The following TXNDC15 variants were observed in gnomAD, a reference collection of about 807,000 sequenced individuals.
TXNDC15 encodes thioredoxin domain containing 15.
Under a neutral mutation model 35.0 loss-of-function variants are expected in TXNDC15, and 24 were observed. The ratio of observed to expected loss-of-function variants is 0.68; its 90% CI spans 0.50 to 0.96. TXNDC15 has a LOEUF of 0.96. Ranked by LOEUF, TXNDC15 falls within the 40% of genes least tolerant of loss-of-function variation. The pLI is 0.00. For synonymous variants in TXNDC15, 169 were observed against 174.0 expected (o/e 0.97, Z 0.23); for missense variants, 385 against 453.3 (o/e 0.85, Z 1.37).
upstream of TXNDC15, chr5:134,874,261 G>T (rs564234170): frequency 8.6e-6 from 5 of 582,524 alleles, no homozygotes; most frequent in Non-Finnish European, 1.5e-5. Flanking sequence ...ACGGCCAGCG[G>T]CTAGAGGCCG....
At chr5:134,897,367 C>A (rs1021559743) in intron 4 of TXNDC15, among the ~76,000 whole-genome samples, 3 of 151,976 alleles carry the variant, frequency 2.0e-5, no homozygotes, top group Admixed American at 6.6e-5. Context: ...CCTGCCTCAG[C>A]CTTTCTAGTA....
At chr5:134,897,471 A>C (rs1036256503) in intron 4 of TXNDC15, among the ~76,000 whole-genome samples, 1 of 148,604 alleles carries the variant, frequency 6.7e-6, no homozygotes, top group East Asian at 2.0e-4. Context: ...CTGGTCTTGC[A>C]CTCCTAACCT....
At chr5:134,874,657 G>A in intron 1 of TXNDC15, 127 bp downstream of exon 1, 1 of 745,342 alleles carries the variant, frequency 1.3e-6, no homozygotes, top group Non-Finnish European at 2.0e-6. Context: ...CCCCGGGCGC[G>A]TCTCCCCGAC....
intron 1 of TXNDC15, among the ~76,000 whole-genome samples, chr5:134,877,215 G>A (rs1266723696): frequency 6.6e-6 from 1 of 152,116 alleles, no homozygotes; most frequent in East Asian, 1.9e-4. Flanking sequence ...CAGAGAAACA[G>A]CCCTCAGGAA....
Position 134,901,488 on chromosome 5 carries a change from T to C in TXNDC15, c.*1803T>C, listed in dbSNP as rs1750599887. 6.6e-6 allele frequency: 1 copy of C among 152,266 alleles called. No individual in the cohort carries two copies. Among genetic ancestry groups the C allele is most frequent in the African/African-American group, 2.4e-5 (1 of 41,460 alleles). 9.4% of individuals were successfully genotyped at this position (152,266 alleles called of 1,614,324 possible). On this transcript the variant is annotated 3_prime_UTR_variant, in exon 5 of 5. Transcript: ENST00000358387. ...GATTTGAATCTTCACATGTGTGTAC[T>C]TATAAATACAAATGTAAGGAAAACT...
intron 2 of TXNDC15, 126 bp downstream of exon 2, chr5:134,888,308 C>A: frequency 1.0e-6 from 1 of 989,960 alleles, no homozygotes. Context: ...CATTTAATGG[C>A]TGCTTCAGTG....
intron 2 of TXNDC15, among the ~76,000 whole-genome samples, chr5:134,888,883 C>T (rs1750330853): frequency 8.2e-6 from 1 of 121,324 alleles, no homozygotes; most frequent in South Asian, 3.1e-4. Context: ...CTAGTAATGC[C>T]CCTGGAAAAT....
intron 2 of TXNDC15, among the ~76,000 whole-genome samples, chr5:134,888,553 G>A (rs988745982): frequency 1.4e-4 from 22 of 152,024 alleles, no homozygotes; most frequent in Non-Finnish European, 2.8e-4. Context: ...GCATGATATC[G>A]GCTCACTGCA....
At chr5:134,889,570 G>A (rs1270086914) in intron 2 of TXNDC15, among the ~76,000 whole-genome samples, 3 of 152,140 alleles carry the variant, frequency 2.0e-5, no homozygotes, top group Admixed American at 6.5e-5. Context: ...CAAACATATC[G>A]ATATGACTGC....
At chr5:134,894,167 G>C (rs765876223) in intron 3 of TXNDC15, among the ~76,000 whole-genome samples, 1 of 151,206 alleles carries the variant, frequency 6.6e-6, no homozygotes, top group Non-Finnish European at 1.5e-5. Flanking sequence ...ATGTTCTGTA[G>C]TAGGCACTCG....
At position 134,901,163 on chromosome 5, in the gene TXNDC15, A is replaced by G. The variant is rs560755599; in HGVS notation, c.*1478A>G. 6.6e-6 allele frequency: 1 copy of G among 152,356 alleles called. No individual in the cohort carries two copies. Among genetic ancestry groups the G allele is most frequent in the Non-Finnish European group, 1.5e-5 (1 of 68,042 alleles). 9.4% of individuals were successfully genotyped at this position (152,356 alleles called of 1,614,324 possible). On this transcript the variant is annotated 3_prime_UTR_variant, in exon 5 of 5. Coordinates refer to ENST00000358387, the MANE Select transcript of TXNDC15 (RefSeq NM_024715.4). ...ATGACAGCTAATTACCTCATCATAA[A>G]TTACTTTTATACTAATTGTTTCCAG...
intron 2 of TXNDC15, 101 bp from the exon 3 acceptor site, chr5:134,893,391 C>A: frequency 1.4e-6 from 2 of 1,427,210 alleles, no homozygotes; most frequent in Non-Finnish European, 1.9e-6. Context: ...CCTACCCACC[C>A]GTTCCTCTCC....
intron 4 of TXNDC15, among the ~76,000 whole-genome samples, chr5:134,896,728 C>T (rs1421930943): frequency 1.3e-5 from 2 of 150,092 alleles, no homozygotes; most frequent in Admixed American, 6.7e-5. Context: ...ACTGCAACCT[C>T]CACCTCCCGG....
intron 3 of TXNDC15, among the ~76,000 whole-genome samples, chr5:134,894,977 C>T (rs547282862): frequency 6.6e-6 from 1 of 151,944 alleles, no homozygotes; most frequent in African/African-American, 2.4e-5. Flanking sequence ...AGTTTGAGAC[C>T]AGCCTGGACA....
At chr5:134,898,289 C>A (rs1264481074) in intron 4 of TXNDC15, among the ~76,000 whole-genome samples, 1 of 152,016 alleles carries the variant, frequency 6.6e-6, no homozygotes, top group Non-Finnish European at 1.5e-5. Context: ...TTTATTAATC[C>A]ATTTGTAGAT....
chr5:134,891,409 C>A (rs1042651995), intron 2 of TXNDC15, among the ~76,000 whole-genome samples: 1 of 152,154 alleles, frequency 6.6e-6, no homozygotes, highest in Non-Finnish European at 1.5e-5. Context: ...TGCATCTCCA[C>A]CAGAACTCTT....
Position 134,899,869 on chromosome 5 carries a change from A to G in TXNDC15, c.*184A>G, listed in dbSNP as rs1348553931. ...AACTGGTGTTTTAACTAGTATTGCA[A>G]TAAGCAAATGCAAAAATATTCAATA... On this transcript the variant is annotated 3_prime_UTR_variant, in exon 5 of 5. Transcript: ENST00000358387. The G allele has an allele frequency of 3.8e-6, 2 of 526,542 alleles. No homozygotes were observed. The highest frequency in any genetic ancestry group is 6.5e-6 in the Non-Finnish European group (2 of 306,918). 32.6% of individuals were successfully genotyped at this position (526,542 alleles called of 1,614,324 possible). A position where few individuals can be genotyped will look rare whatever the true frequency, so the allele number is the denominator to read the frequency against.
At chr5:134,880,149 C>A (rs1228895650) in intron 1 of TXNDC15, among the ~76,000 whole-genome samples, 1 of 152,088 alleles carries the variant, frequency 6.6e-6, no homozygotes, top group Non-Finnish European at 1.5e-5. Flanking sequence ...CTCCTATGTT[C>A]CAAATAGCAA....
chr5:134,885,821 T>A (rs1278046632), intron 1 of TXNDC15, among the ~76,000 whole-genome samples: 1 of 152,108 alleles, frequency 6.6e-6, no homozygotes, highest in East Asian at 1.9e-4. Flanking sequence ...ATAACTGATT[T>A]CCTGAAACTG....
Sources: gnomAD v4.1 joint callset for allele counts (sites outside exome capture counted in the v4.1 genomes callset) on GRCh38, gnomAD v4.1.1 for gene constraint, MANE v1.5 for transcripts, NCBI Gene and HGNC (gene_info 2026-07-23, HGNC 2026-07-21) for gene names.